The following BMPR1B variants were observed in gnomAD, a reference collection of about 807,000 sequenced individuals.
The protein encoded by BMPR1B is bone morphogenetic protein receptor type 1B.
In BMPR1B, 12 loss-of-function variants were observed where a neutral mutation model predicts 59.1. The ratio of observed to expected loss-of-function variants is 0.20; its 90% CI spans 0.13 to 0.33. BMPR1B has a LOEUF of 0.33. BMPR1B is among the 10% of genes least tolerant of loss of function. BMPR1B has a pLI of 1.00. For synonymous variants in BMPR1B, 237 were observed against 207.3 expected, an observed-to-expected ratio of 1.14 and a Z score of -1.23; for missense variants, 550 against 610.9, an observed-to-expected ratio of 0.90 and a Z score of 1.05.
chr4:94,842,809 AAAC>A (rs1725144463), intron 1 of BMPR1B, among the ~76,000 whole-genome samples: 1 of 152,228 alleles, frequency 6.6e-6, no homozygotes, highest in Non-Finnish European at 1.5e-5. Context: ...AGCCAAGAGA[AAAC>A]AAATATATTT....
chr4:94,989,338 G>T (rs556630620), intron 2 of BMPR1B, among the ~76,000 whole-genome samples: 1 of 150,192 alleles, frequency 6.7e-6, no homozygotes, highest in South Asian at 2.1e-4. Flanking sequence ...GCAGTGAGCT[G>T]AGATTGTGCT....
intron 2 of BMPR1B, among the ~76,000 whole-genome samples, chr4:94,942,232 T>G (rs1046293245): frequency 2.6e-5 from 4 of 152,236 alleles, no homozygotes; most frequent in African/African-American, 9.6e-5. Context: ...GAGGATTCAA[T>G]GAAAGACAGA....
chr4:95,072,040 T>A (rs1263718462), intron 3 of BMPR1B, among the ~76,000 whole-genome samples: 1 of 151,984 alleles, frequency 6.6e-6, no homozygotes, highest in African/African-American at 2.4e-5. Context: ...CCTAGGAAAT[T>A]GGATGGCATG....
chr4:94,964,600 G>A (rs770331521), intron 2 of BMPR1B, among the ~76,000 whole-genome samples: 4 of 152,134 alleles, frequency 2.6e-5, no homozygotes, highest in Admixed American at 6.5e-5. Context: ...CTCATCAGAA[G>A]TATAATATAT....
chr4:95,016,960 A>G (rs893430673), intron 3 of BMPR1B, among the ~76,000 whole-genome samples: 5 of 152,214 alleles, frequency 3.3e-5, no homozygotes, highest in African/African-American at 1.2e-4. Flanking sequence ...CATTGGTCAG[A>G]CAAGACAACA....
intron 2 of BMPR1B, among the ~76,000 whole-genome samples, chr4:94,944,621 T>C (rs963651605): frequency 6.6e-6 from 1 of 152,200 alleles, no homozygotes; most frequent in Non-Finnish European, 1.5e-5. Flanking sequence ...GTGGTTCATA[T>C]AGGGTGTTAG....
At chr4:94,994,417 T>C (rs1257156130) in intron 2 of BMPR1B, among the ~76,000 whole-genome samples, 1 of 152,216 alleles carries the variant, frequency 6.6e-6, no homozygotes, top group Non-Finnish European at 1.5e-5. Context: ...AAGTCTGGAG[T>C]GAGGAATTAC....
intron 3 of BMPR1B, among the ~76,000 whole-genome samples, chr4:95,098,428 A>T (rs1730582445): frequency 6.6e-6 from 1 of 152,182 alleles, no homozygotes; most frequent in South Asian, 2.1e-4. Flanking sequence ...TATTAAAGTG[A>T]TCCTTGTATA....
At chr4:95,073,130 C>T (rs1047006916) in intron 3 of BMPR1B, among the ~76,000 whole-genome samples, 3 of 152,146 alleles carry the variant, frequency 2.0e-5, no homozygotes, top group Non-Finnish European at 2.9e-5. Flanking sequence ...CTAGAAATAG[C>T]AAACATAGTT....
At chr4:95,080,113 T>TA (rs1729010195) in intron 3 of BMPR1B, among the ~76,000 whole-genome samples, 1 of 152,122 alleles carries the variant, frequency 6.6e-6, no homozygotes, top group African/African-American at 2.4e-5. Flanking sequence ...GTTCAAAAAT[T>TA]ACGTTTTCTT....
chr4:94,975,214 A>G (rs2149081188), intron 2 of BMPR1B, among the ~76,000 whole-genome samples: 2 of 152,288 alleles, frequency 1.3e-5, no homozygotes, highest in South Asian at 4.2e-4. Context: ...ATTGGGTGTC[A>G]AGGAGGACAG....
intron 3 of BMPR1B, among the ~76,000 whole-genome samples, chr4:95,025,332 C>T (rs1487441324): frequency 6.6e-6 from 1 of 152,082 alleles, no homozygotes; most frequent in Non-Finnish European, 1.5e-5. Context: ...GTGTTTTCAA[C>T]TTTGTGGTCA....
At chr4:94,869,093 CAAACA>C (rs1165875792) in intron 1 of BMPR1B, among the ~76,000 whole-genome samples, 1 of 73,670 alleles carries the variant, frequency 1.4e-5, no homozygotes, top group East Asian at 5.2e-4. Context: ...ATTTTACTAT[CAAACA>C]CACACACACA....
At chr4:95,043,169 G>A (rs545506838) in intron 3 of BMPR1B, among the ~76,000 whole-genome samples, 7 of 105,750 alleles carry the variant, frequency 6.6e-5, no homozygotes, top group South Asian at 3.4e-4. Flanking sequence ...GCGACAGAGC[G>A]AGACTCCGTC....
At chr4:95,133,212 T>C (rs757478522) in intron 10 of BMPR1B, among the ~76,000 whole-genome samples, 24 of 152,228 alleles carry the variant, frequency 1.6e-4, no homozygotes, top group Non-Finnish European at 3.5e-4. Context: ...TGAAGCATTT[T>C]GAGTTACTTT....
chr4:94,880,470 C>T (rs1471537944), intron 2 of BMPR1B, among the ~76,000 whole-genome samples: 2 of 151,930 alleles, frequency 1.3e-5, no homozygotes, highest in African/African-American at 2.4e-5. Context: ...TACAAGCACA[C>T]ACCACCACCT....
In BMPR1B at chr4:94,902,078, TGTGTGTGTGG is replaced by T. The variant is rs1267746766; in HGVS notation, c.-113+26180_-113+26189del. Among the ~76,000 whole-genome samples the T allele has an allele frequency of 1.4e-3, 198 of 138,120 alleles. 1 individual carries two copies. The highest frequency in any genetic ancestry group is 4.6e-3 in the African/African-American group (177 of 38,558). 90.6% of individuals were successfully genotyped at this position (138,120 alleles called of 152,430 possible). On this transcript the variant is annotated intron_variant, in intron 2 of 12. Coordinates refer to ENST00000515059, the MANE Select transcript of BMPR1B (RefSeq NM_001203.3). ...GTGTGTGTGTGTGTGTGTGTGTGTG[TGTGTGTGTGG>T]GGTGTATTTAAAGGAAACAACTTGA... is the stretch of plus-strand genomic sequence containing the variant.
At chr4:94,876,161 C>G (rs1169343909) in intron 2 of BMPR1B, among the ~76,000 whole-genome samples, 1 of 152,180 alleles carries the variant, frequency 6.6e-6, no homozygotes, top group Non-Finnish European at 1.5e-5. Flanking sequence ...AAATGTTGGC[C>G]TACACACTTA....
At chr4:94,782,193 C>G (rs1311638569) in intron 1 of BMPR1B, among the ~76,000 whole-genome samples, 2 of 151,776 alleles carry the variant, frequency 1.3e-5, no homozygotes, top group Non-Finnish European at 2.9e-5. Context: ...TTCTAAAAAC[C>G]TGTTCTTCAG....
Sources: gnomAD v4.1 joint callset for allele counts (sites outside exome capture counted in the v4.1 genomes callset) on GRCh38, gnomAD v4.1.1 for gene constraint, MANE v1.5 for transcripts, NCBI Gene and HGNC (gene_info 2026-07-23, HGNC 2026-07-21) for gene names.